Variants in KIAA1671 observed in about 807,000 individuals in gnomAD.
KIAA1671 encodes the protein KIAA1671, also known as uncharacterized protein KIAA1671.
In KIAA1671, 52 loss-of-function variants were observed where a neutral mutation model predicts 131.2. That is an observed-to-expected ratio of 0.40 (90% CI 0.32 to 0.50). The LOEUF is 0.50. Among genes scored for constraint, KIAA1671 ranks in the 20% least tolerant of loss-of-function variants. KIAA1671 has a pLI of 0.73. For missense variants in KIAA1671, 2,360 were observed against 2,364.2 expected (o/e 1.00, Z 0.04); for synonymous variants, 1,003 against 961.6 (o/e 1.04, Z -0.80).
intron 9 of KIAA1671, chr22:25,179,272 G>A (rs954221440): frequency 6.4e-7 from 1 of 1,554,406 alleles, no homozygotes; most frequent in Admixed American, 1.9e-5. Context: ...ACCCGAACGT[G>A]TTCTCTCGCA....
intron 8 of KIAA1671, chr22:25,176,486 C>A (rs1934032624): frequency 6.6e-6 from 1 of 152,210 alleles, no homozygotes; most frequent in East Asian, 1.9e-4. Flanking sequence ...GGGCTTTCCA[C>A]ACCTGAGCAC....
chr22:25,129,760 C>T (rs1932350658), intron 6 of KIAA1671, among the ~76,000 whole-genome samples: 1 of 151,518 alleles, frequency 6.6e-6, no homozygotes, highest in Non-Finnish European at 1.5e-5. Context: ...CTCCTGGGTT[C>T]AAGGACTCTT....
intron 6 of KIAA1671, among the ~76,000 whole-genome samples, chr22:25,123,438 C>T (rs189212801): frequency 3.3e-5 from 5 of 152,202 alleles, no homozygotes; most frequent in East Asian, 1.9e-4. Context: ...GTGATCCACC[C>T]GCCTTGGCCT....
chr22:25,182,136 G>A (rs1161895656), intron 10 of KIAA1671, among the ~76,000 whole-genome samples: 7 of 151,684 alleles, frequency 4.6e-5, no homozygotes, highest in South Asian at 2.1e-4. Flanking sequence ...CCGAGATTGC[G>A]CCACGGCACT....
chr22:25,144,333 A>G (rs1186143742), intron 6 of KIAA1671, among the ~76,000 whole-genome samples: 1 of 152,088 alleles, frequency 6.6e-6, no homozygotes, highest in Non-Finnish European at 1.5e-5. Context: ...CCCACCCACT[A>G]GACTAATCCC....
intron 1 of KIAA1671, among the ~76,000 whole-genome samples, chr22:24,982,749 G>T (rs911733560): frequency 2.0e-5 from 3 of 152,222 alleles, no homozygotes; most frequent in Admixed American, 1.3e-4. Context: ...CGTGGTGTTG[G>T]CTGGGCACAG....
intron 6 of KIAA1671, among the ~76,000 whole-genome samples, chr22:25,101,880 A>C (rs553024257): frequency 7.9e-5 from 12 of 152,284 alleles, no homozygotes; most frequent in African/African-American, 2.6e-4. Context: ...TGGGTAAACC[A>C]AATTATGGCC....
chr22:25,167,980 C>T (rs981797517), intron 6 of KIAA1671, among the ~76,000 whole-genome samples: 2 of 152,106 alleles, frequency 1.3e-5, no homozygotes, highest in South Asian at 2.1e-4. Flanking sequence ...AACTTCTCTG[C>T]AATTCAGAGA....
intron 6 of KIAA1671, among the ~76,000 whole-genome samples, chr22:25,108,561 G>A (rs1377302865): frequency 6.6e-6 from 1 of 152,220 alleles, no homozygotes; most frequent in Non-Finnish European, 1.5e-5. Flanking sequence ...TGCATGTGGT[G>A]GAGGGTGGAG....
At chr22:25,042,309 T>A (rs2031037881) in intron 5 of KIAA1671, among the ~76,000 whole-genome samples, 1 of 152,224 alleles carries the variant, frequency 6.6e-6, no homozygotes, top group South Asian at 2.1e-4. Context: ...TATAATAGCC[T>A]GTTGTATCCT....
chr22:25,095,730 C>T (rs912626434), intron 6 of KIAA1671, among the ~76,000 whole-genome samples: 4 of 152,182 alleles, frequency 2.6e-5, no homozygotes, highest in Admixed American at 6.5e-5. Flanking sequence ...CTGCTAAGCC[C>T]CCCTAGATTC....
rs1231324773 is a variant in KIAA1671, at chr22:25,011,629, CTTTTCTTTTTTTT to C, written c.-207-13999_-207-13987del. 252 of 135,908 alleles carry C rather than the reference CTTTTCTTTTTTTT, an allele frequency of 1.9e-3. 4 individuals are homozygous for C. The Middle Eastern group carries it at 0.027, about 14-fold the overall frequency. The allele number at this position is 135,908 out of a possible 1,614,324, so 8.4% of individuals were successfully genotyped here. ...TTATTTCTTTTTCTTTCTTTCTTTT[CTTTTCTTTTTTTT>C]TTTTTTTTTTTTGGAGTTGGAGTTT... On this transcript the variant is annotated intron_variant, in intron 1 of 12. Coordinates refer to ENST00000358431, the MANE Select transcript of KIAA1671 (RefSeq NM_001145206.2).
chr22:24,988,280 CAAAA>C (rs59935051), intron 1 of KIAA1671, among the ~76,000 whole-genome samples: 1 of 89,306 alleles, frequency 1.1e-5, no homozygotes, highest in Non-Finnish European at 2.4e-5. Flanking sequence ...AACTCCATCT[CAAAA>C]AAAAAAAAAA....
chr22:25,069,061 C>T (rs1928664247), intron 6 of KIAA1671, among the ~76,000 whole-genome samples: 1 of 152,178 alleles, frequency 6.6e-6, no homozygotes, highest in Non-Finnish European at 1.5e-5. Flanking sequence ...GTAGGGGATC[C>T]AGGAGCGTCT....
At chr22:25,184,321 C>A (rs950429326) in intron 10 of KIAA1671, among the ~76,000 whole-genome samples, 4 of 152,202 alleles carry the variant, frequency 2.6e-5, no homozygotes, top group Non-Finnish European at 5.9e-5. Flanking sequence ...AACGAACTCA[C>A]ATTTGTCATA....
intron 1 of KIAA1671, among the ~76,000 whole-genome samples, chr22:25,000,814 G>A (rs1924425696): frequency 7.1e-6 from 1 of 139,862 alleles, no homozygotes; most frequent in African/African-American, 2.5e-5. Context: ...CACTGCACCT[G>A]GCTTTTTTTT....
At chr22:25,068,036 G>T (rs1041431912) in intron 6 of KIAA1671, among the ~76,000 whole-genome samples, 1 of 152,270 alleles carries the variant, frequency 6.6e-6, no homozygotes, top group Admixed American at 6.5e-5. Flanking sequence ...CTGCACTTTT[G>T]TCGGTCAGCA....
At position 25,030,258 on chromosome 22, in the gene KIAA1671, C is replaced by T. The variant is rs1330251548; in HGVS notation, c.1541+718C>T. Among the ~76,000 whole-genome samples the T allele has an allele frequency of 8.6e-5, 13 of 151,994 alleles. 1 individual carries two copies. The South Asian group carries it at 2.3e-3, about 27-fold the overall frequency. On this transcript the variant is annotated intron_variant, in intron 3 of 12. Coordinates refer to ENST00000358431, the MANE Select transcript of KIAA1671 (RefSeq NM_001145206.2). ...GTTGGTTAATAATGATGTTCTAGGC[C>T]GGGCGCGGTGGCTCATGCCTGTAAT...
At chr22:25,076,514 C>T (rs1929116891) in intron 6 of KIAA1671, among the ~76,000 whole-genome samples, 1 of 152,190 alleles carries the variant, frequency 6.6e-6, no homozygotes, top group South Asian at 2.1e-4. Context: ...AAACCACTAT[C>T]ACCATCAAGC....
Sources: gnomAD v4.1 joint callset for allele counts (sites outside exome capture counted in the v4.1 genomes callset) on GRCh38, gnomAD v4.1.1 for gene constraint, MANE v1.5 for transcripts, NCBI Gene and HGNC (gene_info 2026-07-23, HGNC 2026-07-21) for gene names.